MTFR1L: variants seen among roughly 807,000 people sequenced by gnomAD.
MTFR1L encodes mitochondrial fission regulator 1-like.
MTFR1L carries 10 observed loss-of-function variants against 27.9 expected under a neutral mutation model. The observed-to-expected ratio is 0.36, with a 90% confidence interval of 0.22 to 0.61. The LOEUF (loss-of-function observed/expected upper bound fraction) is 0.61. Among genes scored for constraint, MTFR1L ranks in the 20% least tolerant of loss-of-function variants. The pLI, the probability that MTFR1L is intolerant of heterozygous loss-of-function variation, is 0.73. For missense variants in MTFR1L, 315 were observed against 363.7 expected (o/e 0.87, Z 1.09); for synonymous variants, 151 against 139.4 (o/e 1.08, Z -0.58).
Position 25,829,649 on chromosome 1 carries a change from C to G in MTFR1L, c.592C>G (p.Pro198Ala). The G allele has an allele frequency of 1.2e-6, 2 of 1,614,158 alleles. No individual in the cohort carries two copies. Among genetic ancestry groups the G allele is most frequent in the Non-Finnish European group, 8.5e-7 (1 of 1,180,034 alleles). Residue 198 changes from proline (P) to alanine (A), a missense_variant, in exon 6 of 7, where the codon CCT becomes GCT. Transcript: ENST00000374303. Reference sequence around the variant, plus strand: ...CACCGAGGAGACAGAGGTGGAGGTCCCTGAGCTTCCATCAGTCCCCCTGCT... The same window carrying G: ...CACCGAGGAGACAGAGGTGGAGGTCGCTGAGCTTCCATCAGTCCCCCTGCT... Reference protein sequence around the residue: ...DITEETEVEVPELPSVPLLCS... With the variant: ...DITEETEVEVAELPSVPLLCS...
In MTFR1L at chr1:25,826,087, G is replaced by A. The variant is rs1042339018; in HGVS notation, c.130-215G>A. Reference sequence around the variant, plus strand: ...TGGTCTCAAGCATTCTGCCTGCCTCGGCCTCCCAAATGCTGGGATTACAGG... The same window carrying A: ...TGGTCTCAAGCATTCTGCCTGCCTCAGCCTCCCAAATGCTGGGATTACAGG... On this transcript the variant is annotated intron_variant, in intron 3 of 6. Coordinates refer to ENST00000374303, the MANE Select transcript of MTFR1L (RefSeq NM_001099625.2). This position sits in a 1 kb window ranked among gnomAD's most constrained non-coding sequence, Gnocchi z 4.1. 13 of 496,856 alleles carry A rather than the reference G, an allele frequency of 2.6e-5. No individual in the cohort carries two copies. Among genetic ancestry groups the A allele is most frequent in the South Asian group, 4.9e-5 (2 of 40,496 alleles). 30.8% of individuals were successfully genotyped at this position (496,856 alleles called of 1,614,324 possible).
intron 3 of MTFR1L, chr1:25,825,942 T>A (rs190415407): frequency 4.6e-5 from 10 of 215,090 alleles, no homozygotes; most frequent in Non-Finnish European, 9.4e-5. Flanking sequence ...CAAGCCATCT[T>A]CCCACCTCAG....
chr1:25,820,476 T>C (rs1289154752), intron 1 of MTFR1L: 2 of 368,242 alleles, frequency 5.4e-6, no homozygotes, highest in African/African-American at 4.6e-5. Flanking sequence ...GGGGAGAGGG[T>C]CCGCGCGGGT....
Position 25,823,078 on chromosome 1 carries a change from G to A in MTFR1L, c.-27G>A. 6.2e-7 allele frequency: 1 copy of A among 1,614,206 alleles called. No individual in the cohort carries two copies. The highest frequency in any genetic ancestry group is 8.5e-7 in the Non-Finnish European group (1 of 1,180,032). On this transcript the variant is annotated 5_prime_UTR_variant, in exon 2 of 7. Transcript: ENST00000374303. ...CCCGGAGCTGCCCAGTGGCTGCCTT[G>A]TCCTTCAAGTGCAGGAGCTGGTTCA...
chr1:25,828,017 G>A (rs571167545), intron 5 of MTFR1L, among the ~76,000 whole-genome samples: 8 of 152,068 alleles, frequency 5.3e-5, no homozygotes, highest in Non-Finnish European at 1.2e-4. Flanking sequence ...GAGCCACCGC[G>A]CCCTGCTTTC....
rs557044099 is a variant in MTFR1L at position 25,824,719 on chromosome 1, G to T, written c.129+971G>T. Among the ~76,000 whole-genome samples, 315 of 152,054 alleles carry T rather than the reference G, an allele frequency of 2.1e-3. 1 individual carries two copies. Among genetic ancestry groups the T allele is most frequent in the Non-Finnish European group, 3.6e-3 (246 of 67,980 alleles). Reference sequence around the variant, plus strand: ...CAGTATTCAGATTGCCAGCTATCCAGAATTGTCTAAAGATCCTGGGCAGGA... The same window carrying T: ...CAGTATTCAGATTGCCAGCTATCCATAATTGTCTAAAGATCCTGGGCAGGA... On this transcript the variant is annotated intron_variant, in intron 3 of 6. Transcript: ENST00000374303.
Position 25,826,890 on chromosome 1 carries a change from GGATAGGGGTAAAGAAAGT to G in MTFR1L, c.451+66_451+83del, listed in dbSNP as rs2048176386. The G allele has an allele frequency of 1.3e-6, 2 of 1,553,686 alleles. No homozygotes were observed. The highest frequency in any genetic ancestry group is 1.8e-6 in the Non-Finnish European group (2 of 1,140,566). On this transcript the variant is annotated intron_variant, in intron 5 of 6. Coordinates refer to ENST00000374303, the MANE Select transcript of MTFR1L (RefSeq NM_001099625.2). This position sits in a 1 kb window ranked among gnomAD's most constrained non-coding sequence, Gnocchi z 4.1. ...GTTCCTTTCCCCTGGCTCTTGGGCAGGATAGGGGTAAAGAAAGTGGTAATCCTTGGTTTGCAGGTACTT... is the reference window on the plus strand; with the variant it reads ...GTTCCTTTCCCCTGGCTCTTGGGCAGGGTAATCCTTGGTTTGCAGGTACTT...
At chr1:25,823,623 G>T (rs758829247) in intron 2 of MTFR1L, 21 bp from the exon 3 acceptor site, 1 of 1,612,208 alleles carries the variant, frequency 6.2e-7, no homozygotes, top group South Asian at 1.1e-5. Flanking sequence ...GGTTGTAGCT[G>T]TCTCCGTCTC....
At position 25,826,924 on chromosome 1, in the gene MTFR1L, G is replaced by T. The variant is rs1257374519; in HGVS notation, c.451+98G>T. 1.4e-6 allele frequency: 2 copies of T among 1,384,998 alleles called. No individual in the cohort carries two copies. The highest frequency in any genetic ancestry group is 2.0e-6 in the Non-Finnish European group (2 of 1,013,334). The allele number at this position is 1,384,998 out of a possible 1,614,324, so 85.8% of individuals were successfully genotyped here. ...TAAAGAAAGTGGTAATCCTTGGTTT[G>T]CAGGTACTTAGGTTCCGGGCCCTGG... On this transcript the variant is annotated intron_variant, in intron 5 of 6. Coordinates refer to ENST00000374303, the MANE Select transcript of MTFR1L (RefSeq NM_001099625.2). The surrounding 1 kb of genome is among the most constrained non-coding windows in gnomAD (Gnocchi z 4.1).
intron 5 of MTFR1L, 102 bp from the exon 6 acceptor site, chr1:25,829,407 A>T (rs1295386525): frequency 9.4e-7 from 1 of 1,064,838 alleles, no homozygotes; most frequent in African/African-American, 1.6e-5. Flanking sequence ...TCATGGTGTC[A>T]GCCCAGGAAA....
At position 25,826,807 on chromosome 1, in the gene MTFR1L, G is replaced by A. The variant is rs778410300; in HGVS notation, c.432G>A (p.Lys144=). 75 of 1,613,870 alleles carry A rather than the reference G, an allele frequency of 4.6e-5. No homozygotes were observed. In the Middle Eastern group the frequency reaches 9.9e-4, roughly 21 times the overall value. Residue 144 remains lysine (K), a synonymous_variant, in exon 5 of 7, where the codon AAG becomes AAA. Coordinates refer to ENST00000374303, the MANE Select transcript of MTFR1L (RefSeq NM_001099625.2). The surrounding 1 kb of genome is among the most constrained non-coding windows in gnomAD (Gnocchi z 4.1). ...ELSHLRSQIA[K]IVAADAASAS... is the part of the protein sequence containing the mutation. Reference sequence around the variant, plus strand: ...GCCACTTGCGCAGCCAGATTGCAAAGATAGTGGCAGCTGATGCAGGTAGGA... The same window carrying A: ...GCCACTTGCGCAGCCAGATTGCAAAAATAGTGGCAGCTGATGCAGGTAGGA...
At chr1:25,824,639 G>A (rs769297502) in intron 3 of MTFR1L, among the ~76,000 whole-genome samples, 11 of 152,164 alleles carry the variant, frequency 7.2e-5, no homozygotes, top group Non-Finnish European at 1.5e-4. Flanking sequence ...GTTGGTATTA[G>A]GGTCAGGAAT....
At position 25,823,447 on chromosome 1, in the gene MTFR1L, C is replaced by T. The variant is rs990431917; in HGVS notation, c.25-197C>T. ...CTGCCTTAGCAGCAGCAGGTATTCC[C>T]TTGGGTGGCTGGCCAGGGTGTAGGC... On this transcript the variant is annotated intron_variant, in intron 2 of 6. Coordinates refer to ENST00000374303, the MANE Select transcript of MTFR1L (RefSeq NM_001099625.2). The T allele has an allele frequency of 4.7e-6, 4 of 848,602 alleles. No individual in the cohort carries two copies. The Middle Eastern group carries it at 6.4e-4, about 136-fold the overall frequency. 52.6% of individuals were successfully genotyped at this position (848,602 alleles called of 1,614,324 possible).
chr1:25,820,731 G>C (rs562466186), intron 1 of MTFR1L: 6 of 438,028 alleles, frequency 1.4e-5, no homozygotes, highest in South Asian at 8.1e-5. Context: ...GGGGGCGGGG[G>C]TGACAGCTGA....
intron 5 of MTFR1L, among the ~76,000 whole-genome samples, chr1:25,828,602 GCCCTGTAACCCAC>G (rs531096056): frequency 6.5e-4 from 99 of 151,834 alleles, no homozygotes; most frequent in Admixed American, 1.7e-3. Context: ...ATGCAAACAA[GCCCTGTAACCCAC>G]CCCTCCAGCT....
chr1:25,826,669 G>T lies in MTFR1L; in HGVS notation c.294G>T (p.Met98Ile), dbSNP rs1189221526. 1.4e-5 allele frequency: 22 copies of T among 1,614,090 alleles called. No individual in the cohort carries two copies. Among genetic ancestry groups the T allele is most frequent in the Non-Finnish European group, 1.8e-5 (21 of 1,180,042 alleles). ...GGAAACCCAGCCCTCTGATTGTCAT[G>T]CAGCGCAATGCCTCTGTTCCCAACC... ...HTWKPSPLIV[M>I]QRNASVPNLR... is the part of the protein sequence containing the mutation. The change falls in exon 5 of 7, where the codon ATG becomes ATT. Residue 98 changes from methionine to isoleucine, a missense_variant. Physicochemically the swap from Met to Ile is conservative, Grantham distance 10 (BLOSUM62 1). Transcript: ENST00000374303. The surrounding 1 kb of genome is among the most constrained non-coding windows in gnomAD (Gnocchi z 4.1).
intron 1 of MTFR1L, 51 bp from the exon 2 acceptor site, chr1:25,822,968 T>A (rs2048116672): frequency 6.7e-7 from 1 of 1,503,424 alleles, no homozygotes; most frequent in African/African-American, 1.4e-5. Context: ...GACCATTAAA[T>A]CCCCACTGTG....
rs749216197 is a variant in MTFR1L at position 25,826,444 on chromosome 1, T to C, written c.239+33T>C. On this transcript the variant is annotated intron_variant, in intron 4 of 6. Coordinates refer to ENST00000374303, the MANE Select transcript of MTFR1L (RefSeq NM_001099625.2). This position sits in a 1 kb window ranked among gnomAD's most constrained non-coding sequence, Gnocchi z 4.1. The stretch of plus-strand genomic sequence containing the variant: ...AGGCAGTAGCTGGTCTGCTAAGGAA[T>C]GGAGAACTTCCCAGAAGAGGTGGCA... The C allele has an allele frequency of 1.8e-5, 29 of 1,610,388 alleles. No individual in the cohort carries two copies. Among genetic ancestry groups the C allele is most frequent in the Non-Finnish European group, 2.4e-5 (28 of 1,176,782 alleles).
chr1:25,822,857 G>T, intron 1 of MTFR1L, 162 bp from the exon 2 acceptor site: 1 of 529,190 alleles, frequency 1.9e-6, no homozygotes, highest in South Asian at 2.0e-5. Flanking sequence ...TAAGAGTCTG[G>T]ACTTAGAGCT....
Sources: gnomAD v4.1 joint callset for allele counts (sites outside exome capture counted in the v4.1 genomes callset) on GRCh38, gnomAD v4.1.1 for gene constraint, Gnocchi (gnomAD v3.1) non-coding constraint, MANE v1.5 for transcripts, NCBI Gene and HGNC (gene_info 2026-07-23, HGNC 2026-07-21) for gene names.